Variants in IMPG1 observed in about 807,000 individuals in gnomAD.
IMPG1 encodes the protein interphotoreceptor matrix proteoglycan of 150 kDa.
Under a neutral mutation model 92.0 loss-of-function variants are expected in IMPG1, and 85 were observed. The ratio of observed to expected loss-of-function variants is 0.92; its 90% CI spans 0.78 to 1.11. IMPG1 has a LOEUF of 1.11. Among genes scored for constraint, IMPG1 ranks in the 50% least tolerant of loss-of-function variants. The probability of loss-of-function intolerance (pLI) is 0.00; values close to 1 mark genes in which losing one functional copy is unlikely to be tolerated. For synonymous variants in IMPG1, 367 were observed against 334.1 expected (o/e 1.10, Z -1.08); for missense variants, 1,022 against 956.0 (o/e 1.07, Z -0.91).
chr6:75,959,138 C>G (rs533343780), intron 12 of IMPG1, among the ~76,000 whole-genome samples: 34 of 152,152 alleles, frequency 2.2e-4, no homozygotes, highest in Non-Finnish European at 4.6e-4. Flanking sequence ...TCAGGCCCCT[C>G]TGCTGCAGGT....
intron 12 of IMPG1, among the ~76,000 whole-genome samples, chr6:75,976,815 G>A (rs1362519266): frequency 6.6e-6 from 1 of 151,368 alleles, no homozygotes; most frequent in Non-Finnish European, 1.5e-5. Context: ...AGGAGGCTGA[G>A]GCATGAGAAT....
At chr6:76,033,698 T>G (rs1249316909) in intron 4 of IMPG1, among the ~76,000 whole-genome samples, 1 of 152,236 alleles carries the variant, frequency 6.6e-6, no homozygotes, top group Non-Finnish European at 1.5e-5. Context: ...CTTTGTAGTA[T>G]TATCTTCAGA....
At chr6:76,061,836 C>T (rs1784213103) in intron 1 of IMPG1, among the ~76,000 whole-genome samples, 1 of 152,134 alleles carries the variant, frequency 6.6e-6, no homozygotes, top group African/African-American at 2.4e-5. Flanking sequence ...TTATGAACCT[C>T]AAAGAAAGGA....
At chr6:76,010,143 G>T (rs1211486964) in intron 8 of IMPG1, among the ~76,000 whole-genome samples, 2 of 152,192 alleles carry the variant, frequency 1.3e-5, no homozygotes, top group Non-Finnish European at 2.9e-5. Flanking sequence ...AGCTTTGAAA[G>T]AAATAAACCA....
At chr6:75,974,037 T>C (rs1174712206) in intron 12 of IMPG1, among the ~76,000 whole-genome samples, 1 of 152,182 alleles carries the variant, frequency 6.6e-6, no homozygotes, top group Non-Finnish European at 1.5e-5. Context: ...AAATCAAACA[T>C]GTGAATGTTA....
chr6:75,930,399 A>G (rs1405587351), intron 15 of IMPG1, among the ~76,000 whole-genome samples: 1 of 152,246 alleles, frequency 6.6e-6, no homozygotes, highest in African/African-American at 2.4e-5. Flanking sequence ...CATGAACACC[A>G]AAAGATAACT....
At chr6:76,027,987 T>A (rs933415695) in intron 4 of IMPG1, among the ~76,000 whole-genome samples, 10 of 152,308 alleles carry the variant, frequency 6.6e-5, no homozygotes, top group Non-Finnish European at 1.2e-4. Context: ...AGAAAAGAGG[T>A]AAGCAGGATT....
chr6:75,986,792 A>C (rs1230725106), intron 12 of IMPG1, among the ~76,000 whole-genome samples: 1 of 152,196 alleles, frequency 6.6e-6, no homozygotes, highest in Non-Finnish European at 1.5e-5. Flanking sequence ...TGAGAAATAC[A>C]TTAGTTTGTA....
chr6:76,056,790 A>T (rs2765786), intron 1 of IMPG1, among the ~76,000 whole-genome samples: 80,600 of 151,974 alleles, frequency 0.53, 22,892 homozygotes, highest in South Asian at 0.65. Context: ...GCACCTTTTC[A>T]TAGCTGTTGG....
intron 14 of IMPG1, among the ~76,000 whole-genome samples, chr6:75,931,353 T>C (rs1781666848): frequency 6.6e-6 from 1 of 152,222 alleles, no homozygotes; most frequent in Non-Finnish European, 1.5e-5. Context: ...GATATTAGTT[T>C]AGCTCCAAAT....
chr6:76,065,041 C>CTATAATGTATATACAACA, intron 1 of IMPG1, among the ~76,000 whole-genome samples: 1 of 151,976 alleles, frequency 6.6e-6, no homozygotes, highest in South Asian at 2.1e-4. Context: ...CAGGATGTAA[C>CTATAATGTATATACAACA]TATAATGTAT....
intron 12 of IMPG1, among the ~76,000 whole-genome samples, chr6:75,998,680 A>T (rs1782938283): frequency 6.6e-6 from 1 of 152,220 alleles, no homozygotes. Context: ...GATAGACCAG[A>T]TGATCATTCT....
intron 8 of IMPG1, among the ~76,000 whole-genome samples, chr6:76,009,900 G>C (rs918585558): frequency 6.6e-6 from 1 of 152,116 alleles, no homozygotes; most frequent in Non-Finnish European, 1.5e-5. Context: ...TTAAAAATTT[G>C]TTCTTCCACT....
intron 2 of IMPG1, among the ~76,000 whole-genome samples, chr6:76,038,964 T>C (rs1165006563): frequency 6.6e-6 from 1 of 152,234 alleles, no homozygotes; most frequent in African/African-American, 2.4e-5. Context: ...TACAGGGTTG[T>C]GCACACATTA....
chr6:76,045,900 T>A (rs1783931976), intron 1 of IMPG1, among the ~76,000 whole-genome samples: 1 of 152,142 alleles, frequency 6.6e-6, no homozygotes, highest in African/African-American at 2.4e-5. Context: ...TTAATGAGAA[T>A]GAATTGATAG....
intron 12 of IMPG1, among the ~76,000 whole-genome samples, chr6:75,993,905 A>G (rs1433678653): frequency 6.6e-6 from 1 of 152,218 alleles, no homozygotes; most frequent in Non-Finnish European, 1.5e-5. Context: ...TTTCAGTGCC[A>G]GCAAGTGTGA....
At chr6:76,005,670 T>C (rs1783084070) in intron 9 of IMPG1, 136 bp from the exon 10 acceptor site, 1 of 787,306 alleles carries the variant, frequency 1.3e-6, no homozygotes, top group South Asian at 1.8e-5. Flanking sequence ...TATCCCACTT[T>C]AAAACATTTC....
chr6:75,960,474 G>A (rs1036136039), intron 12 of IMPG1, among the ~76,000 whole-genome samples: 9 of 152,170 alleles, frequency 5.9e-5, no homozygotes, highest in East Asian at 1.9e-4. Context: ...TGGAACATAC[G>A]TTTACTAAAA....
Position 75,973,106 on chromosome 6 carries a change from T to A in IMPG1, c.1292-22012A>T, listed in dbSNP as rs1782449783. ...GATCCTTCTGACTCAGTCTCTAGAG[T>A]GGCTGGAATTACGGGGACATACTAT... On this transcript the variant is annotated intron_variant, in intron 12 of 16. Coordinates refer to ENST00000369950, the MANE Select transcript of IMPG1 (RefSeq NM_001563.4). 3.9e-5 allele frequency among the ~76,000 whole-genome samples: 6 copies of A among 152,032 alleles called. No individual in the cohort carries two copies. In the South Asian group the frequency reaches 1.2e-3, roughly 32 times the overall value.
Sources: allele counts gnomAD v4.1 joint callset (sites outside exome capture counted in the v4.1 genomes callset), GRCh38; gene constraint gnomAD v4.1.1; transcripts MANE v1.5; gene names NCBI Gene and HGNC (gene_info 2026-07-23, HGNC 2026-07-21).